PACRG: variants seen among roughly 807,000 people sequenced by gnomAD.
PACRG encodes parkin coregulated, also known as parkin coregulated gene protein.
In PACRG, 29 loss-of-function variants were observed where a neutral mutation model predicts 29.7. That is an observed-to-expected ratio of 0.98 (90% confidence interval 0.73 to 1.33). The LOEUF (loss-of-function observed/expected upper bound fraction) is 1.33. PACRG is among the 40% of genes most tolerant of loss of function. PACRG has a pLI of 0.00. For synonymous variants in PACRG, 116 were observed against 118.7 expected (o/e 0.98, Z 0.15); for missense variants, 279 against 316.2 (o/e 0.88, Z 0.89).
At chr6:162,982,130 G>A (rs1020039172) in intron 2 of PACRG, among the ~76,000 whole-genome samples, 8 of 151,718 alleles carry the variant, frequency 5.3e-5, no homozygotes, top group Admixed American at 1.3e-4. Context: ...CTCTGGTATC[G>A]GTTACAATAT....
chr6:163,029,535 C>T lies in PACRG; in HGVS notation c.292-32615C>T, dbSNP rs867967232. 3.9e-5 allele frequency among the ~76,000 whole-genome samples: 6 copies of T among 152,198 alleles called. No homozygotes were observed. In the South Asian group the frequency reaches 8.3e-4, roughly 21 times the overall value. ...GATAGTGTTGTGCTAAACAAATCTG[C>T]GTTGCCAGCCATGTGGATTGCATCA... On this transcript the variant is annotated intron_variant, in intron 2 of 4. Transcript: ENST00000366888.
intron 2 of PACRG, among the ~76,000 whole-genome samples, chr6:162,980,980 C>T (rs1389288536): frequency 1.3e-5 from 2 of 151,872 alleles, no homozygotes; most frequent in Non-Finnish European, 2.9e-5. Context: ...TTTGGGTGCA[C>T]CCATCACCCG....
intron 2 of PACRG, among the ~76,000 whole-genome samples, chr6:162,954,454 T>C (rs909090065): frequency 6.6e-6 from 1 of 152,094 alleles, no homozygotes; most frequent in East Asian, 1.9e-4. Flanking sequence ...TTTTTTTTAA[T>C]GGCCTAAAGG....
intron 2 of PACRG, among the ~76,000 whole-genome samples, chr6:162,926,957 A>G (rs1256733831): frequency 6.6e-6 from 1 of 152,190 alleles, no homozygotes; most frequent in Non-Finnish European, 1.5e-5. Flanking sequence ...ACAAATTTAC[A>G]AGAAAAAACA....
chr6:162,880,872 C>G (rs1793778375), intron 2 of PACRG, among the ~76,000 whole-genome samples: 1 of 152,220 alleles, frequency 6.6e-6, no homozygotes, highest in African/African-American at 2.4e-5. Flanking sequence ...CCAGATCCAC[C>G]TTGTGTAGCA....
At chr6:163,243,431 A>G (rs1396269285) in intron 4 of PACRG, among the ~76,000 whole-genome samples, 1 of 152,184 alleles carries the variant, frequency 6.6e-6, no homozygotes, top group Non-Finnish European at 1.5e-5. Context: ...TGCACCCCCA[A>G]CAAGCTTCTT....
intron 4 of PACRG, among the ~76,000 whole-genome samples, chr6:163,110,465 G>A (rs1255984459): frequency 6.6e-6 from 1 of 152,210 alleles, no homozygotes; most frequent in Non-Finnish European, 1.5e-5. Flanking sequence ...GCAGCCAACA[G>A]TCACTCTGCA....
intron 2 of PACRG, among the ~76,000 whole-genome samples, chr6:162,823,286 T>A (rs1787992906): frequency 6.6e-6 from 1 of 152,188 alleles, no homozygotes; most frequent in Non-Finnish European, 1.5e-5. Flanking sequence ...CTTCCATTAG[T>A]ACAGTAAGCT....
At chr6:162,920,402 C>T (rs1796985505) in intron 2 of PACRG, among the ~76,000 whole-genome samples, 1 of 152,176 alleles carries the variant, frequency 6.6e-6, no homozygotes, top group South Asian at 2.1e-4. Context: ...GATTGCTCCC[C>T]ATCGAATCAC....
At chr6:163,141,326 AC>A (rs1585259835) in intron 4 of PACRG, among the ~76,000 whole-genome samples, 1 of 152,224 alleles carries the variant, frequency 6.6e-6, no homozygotes, top group African/African-American at 2.4e-5. Flanking sequence ...CGAAGTGAGT[AC>A]ATTAGTAAGA....
At chr6:163,099,371 A>C (rs1393251089) in intron 4 of PACRG, among the ~76,000 whole-genome samples, 1 of 152,242 alleles carries the variant, frequency 6.6e-6, no homozygotes, top group African/African-American at 2.4e-5. Context: ...TTAAACGCTC[A>C]AAATGGGCCC....
intron 4 of PACRG, among the ~76,000 whole-genome samples, chr6:163,132,060 A>T (rs1482359096): frequency 6.6e-6 from 1 of 152,206 alleles, no homozygotes; most frequent in East Asian, 1.9e-4. Context: ...TGTCTAGCTG[A>T]ATGTAAGTAA....
chr6:163,026,559 C>A (rs1365614519), intron 2 of PACRG, among the ~76,000 whole-genome samples: 3 of 152,140 alleles, frequency 2.0e-5, no homozygotes, highest in African/African-American at 4.8e-5. Flanking sequence ...AGTGCTGTGT[C>A]CTTAAATACA....
chr6:163,275,509 A>G (rs1171828631), intron 4 of PACRG, among the ~76,000 whole-genome samples: 10 of 152,166 alleles, frequency 6.6e-5, no homozygotes, highest in Admixed American at 6.5e-4. Flanking sequence ...CATTTTTTTC[A>G]AAACTGTTTG....
intron 2 of PACRG, among the ~76,000 whole-genome samples, chr6:163,003,523 C>T (rs1182015038): frequency 1.3e-5 from 2 of 152,112 alleles, no homozygotes; most frequent in African/African-American, 2.4e-5. Flanking sequence ...AGAAAGGAAA[C>T]ATTTCCAACT....
intron 2 of PACRG, among the ~76,000 whole-genome samples, chr6:162,871,960 A>G: frequency 6.6e-6 from 1 of 152,168 alleles, no homozygotes; most frequent in Admixed American, 6.5e-5. Flanking sequence ...AAAAAAAACA[A>G]AAGACTACTT....
intron 2 of PACRG, among the ~76,000 whole-genome samples, chr6:162,823,486 T>G (rs1788009892): frequency 6.6e-6 from 1 of 151,948 alleles, no homozygotes. Flanking sequence ...TATCCTTGTT[T>G]TAACTTCTGG....
At chr6:163,062,056 GCC>G (rs1811139676) in intron 2 of PACRG, 92 bp from the exon 3 acceptor site, 1 of 1,249,578 alleles carries the variant, frequency 8.0e-7, no homozygotes, top group African/African-American at 1.5e-5. Context: ...TAAAGAGCGT[GCC>G]CCTCTGGAGT....
chr6:163,268,213 A>C (rs1342549874), intron 4 of PACRG, among the ~76,000 whole-genome samples: 1 of 152,120 alleles, frequency 6.6e-6, no homozygotes, highest in Non-Finnish European at 1.5e-5. Context: ...ATCCTGGCCA[A>C]CATGGTGAAA....
Sources: allele counts gnomAD v4.1 joint callset (sites outside exome capture counted in the v4.1 genomes callset), GRCh38; gene constraint gnomAD v4.1.1; transcripts MANE v1.5; gene names NCBI Gene and HGNC (gene_info 2026-07-23, HGNC 2026-07-21).